Variants in STPG2 observed in about 807,000 individuals in gnomAD.
The protein encoded by STPG2 is sperm tail PG-rich repeat containing 2.
STPG2 carries 56 observed loss-of-function variants against 54.2 expected under a neutral mutation model. The ratio of observed to expected loss-of-function variants is 1.03; its 90% CI spans 0.83 to 1.29. STPG2 has a LOEUF of 1.29. Ranked by LOEUF, STPG2 falls within the 50% of genes most tolerant of loss-of-function variation. The pLI, the probability that STPG2 is intolerant of heterozygous loss-of-function variation, is 0.00. For synonymous variants in STPG2, 200 were observed against 181.8 expected (o/e 1.10, Z -0.81); for missense variants, 596 against 544.9 (o/e 1.09, Z -0.93).
At chr4:97,833,806 T>C (rs1442684822) in intron 9 of STPG2, among the ~76,000 whole-genome samples, 1 of 152,026 alleles carries the variant, frequency 6.6e-6, no homozygotes, top group Non-Finnish European at 1.5e-5. Context: ...AAAACCACAA[T>C]GAGATACCAT....
chr4:97,859,577 G>A (rs927834627), intron 8 of STPG2, among the ~76,000 whole-genome samples: 1 of 150,978 alleles, frequency 6.6e-6, no homozygotes, highest in African/African-American at 2.4e-5. Flanking sequence ...TGATTCTCCT[G>A]CCTCAGGCTC....
rs1293989978 is a variant in STPG2, at chr4:97,927,125, G to A, written c.1044+16772C>T. ...TTGCTGTTAAACTTTAACCTAGCTCGAGATGATACACAAAATATTTAACAA... is the reference window on the plus strand; with the variant it reads ...TTGCTGTTAAACTTTAACCTAGCTCAAGATGATACACAAAATATTTAACAA... On this transcript the variant is annotated intron_variant, in intron 8 of 10. Transcript: ENST00000295268. Among the ~76,000 whole-genome samples the A allele has an allele frequency of 3.9e-5, 6 of 152,014 alleles. No individual in the cohort carries two copies. In the South Asian group the frequency reaches 8.3e-4, roughly 21 times the overall value.
chr4:97,953,913 T>C (rs1391686764), intron 7 of STPG2, among the ~76,000 whole-genome samples: 1 of 152,232 alleles, frequency 6.6e-6, no homozygotes, highest in Non-Finnish European at 1.5e-5. Flanking sequence ...CTATACACTA[T>C]TTTGTCTTTC....
chr4:98,027,048 T>C (rs1050258931), intron 5 of STPG2, among the ~76,000 whole-genome samples: 2 of 152,200 alleles, frequency 1.3e-5, no homozygotes, highest in African/African-American at 4.8e-5. Context: ...GTCAAACTTA[T>C]CAGGCAGATT....
At chr4:97,479,279 C>A (rs1227227029) in intron 4 of STPG2, among the ~76,000 whole-genome samples, 1 of 151,728 alleles carries the variant, frequency 6.6e-6, no homozygotes, top group East Asian at 1.9e-4. Flanking sequence ...TATATGCATA[C>A]AAATAGTTGA....
At chr4:97,655,072 T>C (rs1414565683) in intron 10 of STPG2, among the ~76,000 whole-genome samples, 1 of 152,102 alleles carries the variant, frequency 6.6e-6, no homozygotes, top group East Asian at 1.9e-4. Context: ...TAAATGATTT[T>C]CACTACTTTC....
intron 10 of STPG2, among the ~76,000 whole-genome samples, chr4:97,613,987 T>G (rs923411610): frequency 6.6e-6 from 1 of 152,106 alleles, no homozygotes; most frequent in Non-Finnish European, 1.5e-5. Flanking sequence ...TAATAATGGC[T>G]TATTGTTCAT....
At chr4:98,117,081 C>T (rs576022975) in intron 3 of STPG2, among the ~76,000 whole-genome samples, 2 of 151,926 alleles carry the variant, frequency 1.3e-5, no homozygotes, top group Non-Finnish European at 2.9e-5. Context: ...GATAACATTT[C>T]ATTTCAGCCT....
At chr4:98,028,494 A>G (rs1736497561) in intron 5 of STPG2, among the ~76,000 whole-genome samples, 3 of 152,228 alleles carry the variant, frequency 2.0e-5, no homozygotes, top group Admixed American at 2.0e-4. Context: ...ATAGTTTCAA[A>G]TAATGTCTTC....
intron 9 of STPG2, among the ~76,000 whole-genome samples, chr4:97,750,921 T>G (rs913182744): frequency 5.9e-5 from 9 of 151,758 alleles, no homozygotes; most frequent in African/African-American, 2.2e-4. Context: ...ATGTCTTTCC[T>G]TCCTCCATGA....
intron 7 of STPG2, among the ~76,000 whole-genome samples, chr4:97,963,441 C>A (rs1401030868): frequency 6.6e-6 from 1 of 152,020 alleles, no homozygotes; most frequent in South Asian, 2.1e-4. Context: ...GGGACTCGTG[C>A]CAGGAGTTCA....
At chr4:97,953,286 C>A (rs1296093195) in intron 7 of STPG2, among the ~76,000 whole-genome samples, 2 of 152,182 alleles carry the variant, frequency 1.3e-5, no homozygotes, top group African/African-American at 4.8e-5. Context: ...TGGCAGTAAA[C>A]CCCGTCCAGC....
At chr4:98,017,919 C>G (rs2149288051) in intron 5 of STPG2, among the ~76,000 whole-genome samples, 1 of 152,282 alleles carries the variant, frequency 6.6e-6, no homozygotes, top group Non-Finnish European at 1.5e-5. Context: ...AAAATACTTG[C>G]TTCTCTTCCA....
At chr4:97,476,829 C>G (rs191698401) in intron 4 of STPG2, among the ~76,000 whole-genome samples, 36 of 152,190 alleles carry the variant, frequency 2.4e-4, no homozygotes, top group African/African-American at 8.7e-4. Flanking sequence ...TCTTTCATCC[C>G]AACAATAAAC....
At chr4:97,944,131 C>A in intron 7 of STPG2, 124 bp from the exon 8 acceptor site, 1 of 615,850 alleles carries the variant, frequency 1.6e-6, no homozygotes, top group South Asian at 2.1e-5. Flanking sequence ...GACACATATT[C>A]ATAAACAAAT....
chr4:97,588,642 C>T (rs1404400300), intron 10 of STPG2, among the ~76,000 whole-genome samples: 4 of 151,998 alleles, frequency 2.6e-5, no homozygotes, highest in African/African-American at 9.7e-5. Flanking sequence ...TAAGTTGGAA[C>T]ACGATTTCTG....
chr4:97,524,896 C>A (rs112999909), intron 4 of STPG2, among the ~76,000 whole-genome samples: 1 of 151,866 alleles, frequency 6.6e-6, no homozygotes, highest in Non-Finnish European at 1.5e-5. Context: ...AACTTCAGTG[C>A]CTCAAACTGA....
rs1452517847 is a variant in STPG2 at position 97,641,539 on chromosome 4, G to A, written c.1320+71160C>T. Among the ~76,000 whole-genome samples the A allele has an allele frequency of 2.0e-5, 3 of 151,180 alleles. No homozygotes were observed. The East Asian group carries it at 5.8e-4, about 29-fold the overall frequency. ...AGAACATGTTGTAACCAATATCAAA[G>A]ATATAGAATATAATTTTAGCTAATT... On this transcript the variant is annotated intron_variant, in intron 10 of 10. Transcript: ENST00000295268.
intron 7 of STPG2, among the ~76,000 whole-genome samples, chr4:97,948,588 A>G (rs1285454996): frequency 6.6e-6 from 1 of 152,084 alleles, no homozygotes; most frequent in East Asian, 1.9e-4. Context: ...CATTTGCTGT[A>G]TCCCAGAAGT....
Sources: gnomAD v4.1 joint callset for allele counts (sites outside exome capture counted in the v4.1 genomes callset) on GRCh38, gnomAD v4.1.1 for gene constraint, MANE v1.5 for transcripts, NCBI Gene and HGNC (gene_info 2026-07-23, HGNC 2026-07-21) for gene names.